The following PTPRM variants were observed in gnomAD, a reference collection of about 807,000 sequenced individuals.
PTPRM encodes receptor-type tyrosine-protein phosphatase mu.
A neutral mutation model predicts 186.7 loss-of-function variants in PTPRM; 47 were observed. The ratio of observed to expected loss-of-function variants is 0.25; its 90% confidence interval spans 0.20 to 0.32. The LOEUF (loss-of-function observed/expected upper bound fraction) is 0.32, where lower values mean the gene tolerates loss of function less well. Ranked by LOEUF, PTPRM falls within the 10% of genes least tolerant of loss-of-function variation. The pLI is 1.00. For missense variants in PTPRM, 1,494 were observed against 1,865.0 expected (o/e 0.80, Z 3.66); for synonymous variants, 668 against 674.9 (o/e 0.99, Z 0.16).
chr18:7,609,394 C>T (rs1192857393), intron 1 of PTPRM, among the ~76,000 whole-genome samples: 4 of 152,110 alleles, frequency 2.6e-5, no homozygotes, highest in African/African-American at 9.7e-5. Flanking sequence ...GAGGACAGGC[C>T]TAGGTGCTCA....
intron 23 of PTPRM, among the ~76,000 whole-genome samples, chr18:8,366,690 A>G (rs1189148264): frequency 2.6e-5 from 4 of 152,246 alleles, no homozygotes; most frequent in Non-Finnish European, 5.9e-5. Context: ...CCTTTGGAGC[A>G]GGGACCACAC....
intron 1 of PTPRM, among the ~76,000 whole-genome samples, chr18:7,667,119 T>C (rs1222857846): frequency 6.6e-6 from 1 of 152,228 alleles, no homozygotes; most frequent in East Asian, 1.9e-4. Flanking sequence ...TACGACTGTG[T>C]GTTGTCTCTG....
At chr18:8,258,324 A>G (rs913264881) in intron 19 of PTPRM, among the ~76,000 whole-genome samples, 1 of 152,120 alleles carries the variant, frequency 6.6e-6, no homozygotes, top group Non-Finnish European at 1.5e-5. Flanking sequence ...GACAGGTCAG[A>G]CTCAGCCACC....
intron 2 of PTPRM, among the ~76,000 whole-genome samples, chr18:7,816,542 G>A (rs960105834): frequency 4.6e-5 from 7 of 152,070 alleles, no homozygotes; most frequent in African/African-American, 1.4e-4. Context: ...ATCTACATTC[G>A]TTAGTATTGT....
Position 8,289,551 on chromosome 18 carries a change from C to CATATATATACAT in PTPRM, c.2755-6806_2755-6805insTATATATATACA, listed in dbSNP as rs2095010624. Among the ~76,000 whole-genome samples, 21 of 77,694 alleles carry CATATATATACAT rather than the reference C, an allele frequency of 2.7e-4. 1 individual carries two copies. The highest frequency in any genetic ancestry group is 1.4e-3 in the African/African-American group (17 of 12,232). The allele number at this position is 77,694 out of a possible 152,430, so 51.0% of individuals were successfully genotyped here. ...ATATATATACACATATATATATATA[C>CATATATATACAT]ATATATATACACATATATATATATA... On this transcript the variant is annotated intron_variant, in intron 19 of 32. Coordinates refer to ENST00000580170, the MANE Select transcript of PTPRM (RefSeq NM_001105244.2).
At chr18:7,972,479 T>TAAAAAAAAAAAAAACAAAA (rs2054608701) in intron 7 of PTPRM, among the ~76,000 whole-genome samples, 1 of 44,366 alleles carries the variant, frequency 2.3e-5, no homozygotes, top group Non-Finnish European at 3.6e-5. Flanking sequence ...AAAAAAACAT[T>TAAAAAAAAAAAAAACAAAA]AAAAAAAAAA....
At chr18:7,932,168 G>A (rs117524166) in intron 5 of PTPRM, among the ~76,000 whole-genome samples, 1,621 of 152,268 alleles carry the variant, frequency 0.011, 16 homozygotes, top group South Asian at 0.027. Context: ...GGGGAGGAGC[G>A]ATGTCTTTTC....
At chr18:8,385,563 G>C (rs953775249) in intron 30 of PTPRM, among the ~76,000 whole-genome samples, 5 of 152,208 alleles carry the variant, frequency 3.3e-5, no homozygotes, top group African/African-American at 1.2e-4. Flanking sequence ...GGCCTTGCAT[G>C]TGAGTGCCAG....
At position 7,869,470 on chromosome 18, in the gene PTPRM, C is replaced by T. The variant is rs113340000; in HGVS notation, c.197-18636C>T. ...GGGAGAGAAGTTCCTTGACCCCTTGCGCTTCCCGGGAGGCAATGCCCCACC... is the reference window on the plus strand; with the variant it reads ...GGGAGAGAAGTTCCTTGACCCCTTGTGCTTCCCGGGAGGCAATGCCCCACC... On this transcript the variant is annotated intron_variant, in intron 2 of 32. Transcript: ENST00000580170. Among the ~76,000 whole-genome samples the T allele has an allele frequency of 4.6e-3, 706 of 152,272 alleles. 8 individuals carry two copies. The highest frequency in any genetic ancestry group is 0.015 in the African/African-American group (643 of 41,572).
chr18:8,379,105 C>T, intron 27 of PTPRM, 62 bp from the exon 28 acceptor site: 1 of 1,409,400 alleles, frequency 7.1e-7, no homozygotes, highest in Non-Finnish European at 9.6e-7. Flanking sequence ...TCGAAAACTG[C>T]ACGTGAGAGG....
intron 2 of PTPRM, among the ~76,000 whole-genome samples, chr18:7,777,877 G>A (rs577324252): frequency 2.7e-4 from 41 of 152,206 alleles, no homozygotes; most frequent in African/African-American, 8.2e-4. Context: ...GGCTGGGTGC[G>A]GTGGCTCATG....
intron 1 of PTPRM, among the ~76,000 whole-genome samples, chr18:7,723,265 A>C (rs892487052): frequency 1.3e-5 from 2 of 152,196 alleles, no homozygotes; most frequent in Non-Finnish European, 2.9e-5. Flanking sequence ...TCTTTCTTGA[A>C]CATCCTGTTT....
intron 1 of PTPRM, among the ~76,000 whole-genome samples, chr18:7,633,777 T>G (rs2038246502): frequency 6.6e-6 from 1 of 152,216 alleles, no homozygotes. Flanking sequence ...GGAGTCATCC[T>G]GATTCCTGTT....
At chr18:8,284,356 C>T (rs1436044847) in intron 19 of PTPRM, among the ~76,000 whole-genome samples, 2 of 152,148 alleles carry the variant, frequency 1.3e-5, no homozygotes, top group African/African-American at 4.8e-5. Flanking sequence ...GGGGCCAGCT[C>T]TTCATTTTTC....
intron 5 of PTPRM, among the ~76,000 whole-genome samples, chr18:7,943,031 A>G (rs1402355597): frequency 6.6e-6 from 1 of 152,104 alleles, no homozygotes; most frequent in South Asian, 2.1e-4. Context: ...GAAGGCTTGT[A>G]TCTTTTTCCC....
At chr18:8,318,011 G>T (rs1002201439) in intron 21 of PTPRM, among the ~76,000 whole-genome samples, 1 of 152,266 alleles carries the variant, frequency 6.6e-6, no homozygotes, top group South Asian at 2.1e-4. Flanking sequence ...TTGTATAAAA[G>T]AATGTGTTTG....
At chr18:8,260,760 T>C (rs900838952) in intron 19 of PTPRM, among the ~76,000 whole-genome samples, 1 of 152,208 alleles carries the variant, frequency 6.6e-6, no homozygotes, top group Non-Finnish European at 1.5e-5. Flanking sequence ...TCCCTTCAGA[T>C]GCCCTTCCAT....
chr18:8,337,391 C>T (rs605152), intron 22 of PTPRM, among the ~76,000 whole-genome samples: 148,713 of 152,228 alleles, frequency 0.98, 72,724 homozygotes, highest in East Asian at 1. Flanking sequence ...ATCTCTACCT[C>T]AGAAAATTTC....
intron 7 of PTPRM, among the ~76,000 whole-genome samples, chr18:8,047,699 G>A (rs1308512596): frequency 6.6e-6 from 1 of 152,006 alleles, no homozygotes; most frequent in South Asian, 2.1e-4. Flanking sequence ...CACCAAGATA[G>A]CTGAATGTCA....
Sources: allele counts gnomAD v4.1 joint callset (sites outside exome capture counted in the v4.1 genomes callset), GRCh38; gene constraint gnomAD v4.1.1; transcripts MANE v1.5; gene names NCBI Gene and HGNC (gene_info 2026-07-23, HGNC 2026-07-21).